Variants in M1AP observed in about 807,000 individuals in gnomAD.
The protein encoded by M1AP is meiosis 1 associated protein.
Under a neutral mutation model 51.2 loss-of-function variants are expected in M1AP, and 39 were observed. The observed-to-expected ratio is 0.76, with a 90% confidence interval of 0.59 to 1.00. M1AP has a LOEUF of 1.00. M1AP is among the 50% of genes least tolerant of loss of function. M1AP has a pLI of 0.00. For missense variants in M1AP, 545 were observed against 641.2 expected, an observed-to-expected ratio of 0.85 and a Z score of 1.62; for synonymous variants, 251 against 249.2, an observed-to-expected ratio of 1.01 and a Z score of -0.07.
rs1251708963 is a variant in M1AP at position 74,607,156 on chromosome 2, G to C, written c.494C>G (p.Thr165Arg). The C allele has an allele frequency of 2.5e-6, 4 of 1,614,000 alleles. No homozygotes were observed. In the Admixed American group the frequency reaches 5.0e-5, roughly 20 times the overall value. ...AAACCTCCTGACTCTGGCTAGGTCT[G>C]TATCTTTCAACCCTTCCTCCAACTG... ...VKQLEEGLKD[T>R]DLARVRRFQV... The change falls in exon 4 of 11, where the codon ACA becomes AGA. Residue 165 changes from threonine (T) to arginine (R), a missense_variant. By Grantham distance (71) the Thr-to-Arg change is moderately conservative. Coordinates refer to ENST00000421985, the MANE Select transcript of M1AP (RefSeq NM_001321739.2).
rs1677773829 is a variant in M1AP at position 74,559,710 on chromosome 2, C to T, written c.1423-1G>A. On this transcript the variant is annotated splice_acceptor_variant, in intron 9 of 10. Coordinates refer to ENST00000421985, the MANE Select transcript of M1AP (RefSeq NM_001321739.2). LOFTEE classifies it high-confidence loss of function. ...AGCAAACACTTACCTTGCAGGGATG[C>T]TGTGAGGATTAAATGAGAAAAACAT... is the stretch of plus-strand genomic sequence containing the variant. 1.4e-6 allele frequency: 1 copy of T among 718,336 alleles called. No individual in the cohort carries two copies. The highest frequency in any genetic ancestry group is 1.7e-5 in the African/African-American group (1 of 57,260). The allele number at this position is 718,336 out of a possible 1,614,324, so 44.5% of individuals were successfully genotyped here. A position where few individuals can be genotyped will look rare whatever the true frequency, so the allele number is the denominator to read the frequency against.
chr2:74,648,079 G>A, intron 1 of M1AP, 186 bp downstream of exon 1: 1 of 985,474 alleles, frequency 1.0e-6, no homozygotes, highest in South Asian at 4.7e-5. Context: ...GTATGCGGAG[G>A]GATGACTCCG....
chr2:74,559,771 C>G lies in M1AP; in HGVS notation c.1423-62G>C, dbSNP rs944209111. ...ACTTATCATAAAACCTGGCAAATGA[C>G]TGGTGCTCTATAAATATTAATTTCC... is the stretch of plus-strand genomic sequence containing the variant. On this transcript the variant is annotated intron_variant, in intron 9 of 10. Transcript: ENST00000421985. 4 of 715,904 alleles carry G rather than the reference C, an allele frequency of 5.6e-6. No individual in the cohort carries two copies. In the South Asian group the frequency reaches 6.0e-5, roughly 11 times the overall value. 44.3% of individuals were successfully genotyped at this position (715,904 alleles called of 1,614,324 possible).
chr2:74,611,339 T>C (rs765749909), intron 3 of M1AP, among the ~76,000 whole-genome samples: 1 of 152,224 alleles, frequency 6.6e-6, no homozygotes, highest in Non-Finnish European at 1.5e-5. Context: ...TTTTTATTAC[T>C]GATTCAATCT....
At chr2:74,561,797 G>T in intron 8 of M1AP, 4 of 734,310 alleles carry the variant, frequency 5.4e-6, no homozygotes, top group Non-Finnish European at 5.0e-6. Context: ...TGGTGTTGTG[G>T]CTTCCTCCCC....
rs915481003 is a variant in M1AP at position 74,576,307 on chromosome 2, C to T, written c.932+149G>A. 17 of 822,106 alleles carry T rather than the reference C, an allele frequency of 2.1e-5. No homozygotes were observed. In the African/African-American group the frequency reaches 2.8e-4, roughly 13 times the overall value. 50.9% of individuals were successfully genotyped at this position (822,106 alleles called of 1,614,324 possible). On this transcript the variant is annotated intron_variant, in intron 6 of 10. Coordinates refer to ENST00000421985, the MANE Select transcript of M1AP (RefSeq NM_001321739.2). ...CCACATGCTGAGTAGCCTGTCTTTG[C>T]TTCCTCATGCCATAGCTGTAACTGC...
intron 5 of M1AP, 53 bp from the exon 6 acceptor site, chr2:74,576,671 G>T: frequency 6.3e-7 from 1 of 1,588,590 alleles, no homozygotes; most frequent in Non-Finnish European, 8.6e-7. Flanking sequence ...AGGAAGGATT[G>T]TGGGTAATAA....
chr2:74,640,609 C>T (rs1177057727), intron 1 of M1AP, among the ~76,000 whole-genome samples: 1 of 152,092 alleles, frequency 6.6e-6, no homozygotes, highest in Non-Finnish European at 1.5e-5. Flanking sequence ...TACAGGTGCA[C>T]ACCACCACGC....
At chr2:74,573,336 G>A (rs1428542701) in intron 7 of M1AP, among the ~76,000 whole-genome samples, 1 of 151,050 alleles carries the variant, frequency 6.6e-6, no homozygotes, top group Non-Finnish European at 1.5e-5. Context: ...TTACAGGTAT[G>A]AGCCACCGTG....
chr2:74,639,855 C>G (rs989710547), intron 2 of M1AP, among the ~76,000 whole-genome samples, 181 bp downstream of exon 2: 1 of 152,232 alleles, frequency 6.6e-6, no homozygotes, highest in Non-Finnish European at 1.5e-5. Flanking sequence ...TTCTCTTCAA[C>G]AGTACACACC....
chr2:74,629,805 G>A (rs888750246), intron 2 of M1AP, among the ~76,000 whole-genome samples: 1 of 151,866 alleles, frequency 6.6e-6, no homozygotes, highest in African/African-American at 2.4e-5. Context: ...AGGTATATAC[G>A]AAACCAGTGA....
At chr2:74,636,765 T>C (rs537264721) in intron 2 of M1AP, among the ~76,000 whole-genome samples, 1 of 152,194 alleles carries the variant, frequency 6.6e-6, no homozygotes, top group South Asian at 2.1e-4. Flanking sequence ...GTTTATAATA[T>C]AATTGTCTTA....
At chr2:74,560,869 A>G (rs1375590407) in intron 8 of M1AP, among the ~76,000 whole-genome samples, 1 of 152,184 alleles carries the variant, frequency 6.6e-6, no homozygotes, top group Non-Finnish European at 1.5e-5. Flanking sequence ...GTGGCCGCCA[A>G]GCCAAGAGCA....
intron 4 of M1AP, among the ~76,000 whole-genome samples, chr2:74,595,471 C>T (rs982020694): frequency 8.5e-5 from 13 of 152,124 alleles, no homozygotes; most frequent in African/African-American, 3.1e-4. Flanking sequence ...CCTGTCTCAG[C>T]CTCCCGAGTA....
intron 2 of M1AP, among the ~76,000 whole-genome samples, chr2:74,623,067 A>G (rs1281418535): frequency 6.6e-6 from 1 of 152,104 alleles, no homozygotes; most frequent in African/African-American, 2.4e-5. Context: ...TCTTAATAAT[A>G]ATAAGGTCAG....
chr2:74,646,649 A>C (rs893000107), intron 1 of M1AP, among the ~76,000 whole-genome samples: 2 of 152,236 alleles, frequency 1.3e-5, no homozygotes, highest in African/African-American at 4.8e-5. Flanking sequence ...CTCTCTCATA[A>C]GTTTTACTAT....
chr2:74,625,167 T>C (rs1682294373), intron 2 of M1AP, among the ~76,000 whole-genome samples: 1 of 152,226 alleles, frequency 6.6e-6, no homozygotes, highest in African/African-American at 2.4e-5. Context: ...TCTCTTACTA[T>C]GAATGAGGTT....
intron 1 of M1AP, among the ~76,000 whole-genome samples, chr2:74,642,290 T>C (rs901759192): frequency 1.9e-4 from 29 of 151,666 alleles, no homozygotes; most frequent in African/African-American, 7.0e-4. Context: ...AAAAACAGCA[T>C]GACCAAGTTG....
At chr2:74,625,768 C>T (rs1682344934) in intron 2 of M1AP, among the ~76,000 whole-genome samples, 1 of 152,224 alleles carries the variant, frequency 6.6e-6, no homozygotes, top group South Asian at 2.1e-4. Flanking sequence ...CCCTGCCTGG[C>T]CTAGTAATCG....
Sources: gnomAD v4.1 joint callset for allele counts (sites outside exome capture counted in the v4.1 genomes callset) on GRCh38, gnomAD v4.1.1 for gene constraint, MANE v1.5 for transcripts, NCBI Gene and HGNC (gene_info 2026-07-23, HGNC 2026-07-21) for gene names.